The following ATP10A variants were observed in gnomAD, a reference collection of about 807,000 sequenced individuals.
ATP10A encodes phospholipid-transporting ATPase VA.
A neutral mutation model predicts 147.8 loss-of-function variants in ATP10A; 111 were observed. That is an observed-to-expected ratio of 0.75 (90% CI 0.64 to 0.88). The LOEUF is 0.88. Ranked by LOEUF, ATP10A falls within the 40% of genes least tolerant of loss-of-function variation. ATP10A has a pLI of 0.00. For synonymous variants in ATP10A, 875 were observed against 841.6 expected (o/e 1.04, Z -0.69); for missense variants, 1,927 against 1,959.0 (o/e 0.98, Z 0.31).
At chr15:25,728,711 G>A (rs896733144) in intron 3 of ATP10A, among the ~76,000 whole-genome samples, 1 of 152,186 alleles carries the variant, frequency 6.6e-6, no homozygotes, top group Non-Finnish European at 1.5e-5. Flanking sequence ...ATAGAAACAA[G>A]AAAAATGTTC....
chr15:25,795,139 C>T (rs1304401281), intron 1 of ATP10A, among the ~76,000 whole-genome samples: 1 of 152,174 alleles, frequency 6.6e-6, no homozygotes, highest in Non-Finnish European at 1.5e-5. Flanking sequence ...TTACAACTGG[C>T]TATATCCCAG....
chr15:25,792,366 C>A (rs1366569920), intron 1 of ATP10A, among the ~76,000 whole-genome samples: 1 of 152,204 alleles, frequency 6.6e-6, no homozygotes, highest in Non-Finnish European at 1.5e-5. Flanking sequence ...CTGCTCTGCT[C>A]TCTGCAAAGA....
intron 3 of ATP10A, among the ~76,000 whole-genome samples, 164 bp from the exon 4 acceptor site, chr15:25,727,430 C>G (rs1902649210): frequency 6.6e-6 from 1 of 152,030 alleles, no homozygotes; most frequent in African/African-American, 2.4e-5. Flanking sequence ...GGTGGCTCGC[C>G]CTGTGGGTCT....
chr15:25,817,530 T>C (rs1014314476), intron 1 of ATP10A, among the ~76,000 whole-genome samples: 2 of 152,236 alleles, frequency 1.3e-5, no homozygotes, highest in Non-Finnish European at 2.9e-5. Flanking sequence ...CAACTTCACT[T>C]AGCATATTTA....
intron 20 of ATP10A, 70 bp downstream of exon 20, chr15:25,680,051 A>G (rs1899311203): frequency 5.7e-6 from 9 of 1,588,032 alleles, no homozygotes; most frequent in Non-Finnish European, 6.9e-6. Flanking sequence ...ACCCACATAG[A>G]GCAGAAGCAA....
chr15:25,767,276 G>C (rs1356791752), intron 2 of ATP10A, among the ~76,000 whole-genome samples: 1 of 152,238 alleles, frequency 6.6e-6, no homozygotes, highest in African/African-American at 2.4e-5. Context: ...TGGACACGCT[G>C]TGGCACCCCT....
intron 1 of ATP10A, among the ~76,000 whole-genome samples, chr15:25,855,506 A>G (rs1893472110): frequency 6.6e-6 from 1 of 151,376 alleles, no homozygotes; most frequent in African/African-American, 2.4e-5. Context: ...GAGCATCTAT[A>G]AAACCCCACA....
intron 1 of ATP10A, among the ~76,000 whole-genome samples, chr15:25,848,187 G>C (rs1223733779): frequency 6.6e-6 from 1 of 152,072 alleles, no homozygotes; most frequent in Non-Finnish European, 1.5e-5. Context: ...AATAAACATG[G>C]TATCTGTTTG....
chr15:25,842,037 A>G (rs1306376000), intron 1 of ATP10A, among the ~76,000 whole-genome samples: 1 of 152,136 alleles, frequency 6.6e-6, no homozygotes, highest in Non-Finnish European at 1.5e-5. Context: ...AAAGGAGTGG[A>G]AGGCAGTTCC....
chr15:25,761,043 C>T (rs542823108), intron 2 of ATP10A, among the ~76,000 whole-genome samples: 12 of 152,120 alleles, frequency 7.9e-5, no homozygotes, highest in South Asian at 6.2e-4. Flanking sequence ...TGAATGAATC[C>T]AAAAGATACA....
chr15:25,816,946 G>T (rs1433048672), intron 1 of ATP10A, among the ~76,000 whole-genome samples: 1 of 150,272 alleles, frequency 6.7e-6, no homozygotes, highest in African/African-American at 2.5e-5. Flanking sequence ...AACGGTGTGG[G>T]CCTCTAACCT....
upstream of ATP10A, chr15:25,863,598 C>T (rs932756833): frequency 6.6e-6 from 1 of 152,598 alleles, no homozygotes; most frequent in African/African-American, 2.4e-5. Flanking sequence ...CCCCCGTCCC[C>T]AAGCAGCCCG....
At chr15:25,786,624 T>C (rs1890173063) in intron 1 of ATP10A, among the ~76,000 whole-genome samples, 1 of 111,924 alleles carries the variant, frequency 8.9e-6, no homozygotes, top group African/African-American at 3.8e-5. Context: ...CATCTTTTTT[T>C]TTTTTTTTTT....
intron 2 of ATP10A, among the ~76,000 whole-genome samples, chr15:25,742,474 C>T (rs1887627192): frequency 6.6e-6 from 1 of 152,246 alleles, no homozygotes; most frequent in Non-Finnish European, 1.5e-5. Flanking sequence ...CCAGCCTCCC[C>T]TTGCCTTTTC....
rs560955465 is a variant in ATP10A at position 25,728,208 on chromosome 15, T to C, written c.741-942A>G. On this transcript the variant is annotated intron_variant, in intron 3 of 20. Transcript: ENST00000555815. Reference sequence around the variant, plus strand: ...TCTCACCAGGGACCCCTGCAGGGGTTTCCCTCCTGCCAGCTATTGGCCTTC... The same window carrying C: ...TCTCACCAGGGACCCCTGCAGGGGTCTCCCTCCTGCCAGCTATTGGCCTTC... Among the ~76,000 whole-genome samples, 114 of 152,316 alleles carry C rather than the reference T, an allele frequency of 7.5e-4. 1 individual carries two copies. The highest frequency in any genetic ancestry group is 2.6e-3 in the African/African-American group (107 of 41,572).
intron 1 of ATP10A, among the ~76,000 whole-genome samples, chr15:25,852,229 CTGT>C (rs1031266538): frequency 4.0e-5 from 6 of 151,812 alleles, no homozygotes; most frequent in Admixed American, 2.0e-4. Context: ...ATCCTCCCTC[CTGT>C]TAAGTGCCAT....
Position 25,679,753 on chromosome 15 carries a change from G to A in ATP10A, c.4088C>T (p.Ser1363Phe), listed in dbSNP as rs1446931329. 5.6e-6 allele frequency: 9 copies of A among 1,613,292 alleles called. No individual in the cohort carries two copies. In the East Asian group the frequency reaches 1.8e-4, roughly 32 times the overall value. ...GCTGGGCTCCCCGCTGGCCTCCAGG[G>A]AGCAGACCGGCTGCTGTGTGTGCCA... ...PSWHTQQPVC[S>F]LEASGEPSTV... The change falls in exon 21 of 21, where the codon TCC (serine) becomes TTC (phenylalanine). Residue 1363 changes from serine (S) to phenylalanine (F), a missense_variant. By Grantham distance (155) the Ser-to-Phe change is radical. Coordinates refer to ENST00000555815, the MANE Select transcript of ATP10A (RefSeq NM_024490.4).
intron 1 of ATP10A, among the ~76,000 whole-genome samples, chr15:25,784,484 A>G (rs1358659419): frequency 6.6e-6 from 1 of 152,234 alleles, no homozygotes; most frequent in African/African-American, 2.4e-5. Context: ...CAGGGGAGGC[A>G]TCTGGGCTCT....
At chr15:25,738,564 C>T (rs1410950382) in intron 2 of ATP10A, 1 of 152,198 alleles carries the variant, frequency 6.6e-6, no homozygotes, top group African/African-American at 2.4e-5. Flanking sequence ...GGAAGCTAAG[C>T]AGGGTCAGTA....
Sources: gnomAD v4.1 joint callset for allele counts (sites outside exome capture counted in the v4.1 genomes callset) on GRCh38, gnomAD v4.1.1 for gene constraint, MANE v1.5 for transcripts, NCBI Gene and HGNC (gene_info 2026-07-23, HGNC 2026-07-21) for gene names.